ANO3: variants seen among roughly 807,000 people sequenced by gnomAD.
ANO3 encodes the protein anoctamin 3.
ANO3 carries 99 observed loss-of-function variants against 144.8 expected under a neutral mutation model. The ratio of observed to expected loss-of-function variants is 0.68; its 90% confidence interval spans 0.58 to 0.81. The LOEUF (loss-of-function observed/expected upper bound fraction) is 0.81. Ranked by LOEUF, ANO3 falls within the 30% of genes least tolerant of loss-of-function variation. The probability of loss-of-function intolerance (pLI) is 0.00; values close to 1 mark genes in which losing one functional copy is unlikely to be tolerated. For missense variants in ANO3, 905 were observed against 1,202.2 expected (o/e 0.75, Z 3.66); for synonymous variants, 414 against 392.6 (o/e 1.05, Z -0.64).
Position 26,635,016 on chromosome 11 carries a change from C to T in ANO3, c.1989C>T (p.Phe663=), listed in dbSNP as rs7946841. 641,106 of 1,610,024 alleles carry T rather than the reference C, an allele frequency of 0.4. 130,751 individuals carry two copies. The highest frequency in any genetic ancestry group is 0.48 in the South Asian group (43,343 of 90,856). Reference sequence around the variant, plus strand: ...GAACTAAAATGTCTTCTTACAGATTCGTAGGCCACCCAGGAAAATACAATA... The same window carrying T: ...GAACTAAAATGTCTTCTTACAGATTTGTAGGCCACCCAGGAAAATACAATA... ...IFYIAFFLGR[F]VGHPGKYNKL... Residue 663 remains phenylalanine (F), a synonymous_variant, in exon 20 of 27, where the codon TTC becomes TTT. Coordinates refer to ENST00000256737, the MANE Select transcript of ANO3 (RefSeq NM_031418.4).
intron 1 of ANO3, among the ~76,000 whole-genome samples, chr11:26,435,173 CTTCT>C (rs1239229909): frequency 6.6e-6 from 1 of 152,052 alleles, no homozygotes; most frequent in African/African-American, 2.4e-5. Context: ...ATGTAATGCA[CTTCT>C]TTGTCTTTTT....
intron 15 of ANO3, 107 bp from the exon 16 acceptor site, chr11:26,598,751 A>G (rs1399331445): frequency 9.2e-7 from 1 of 1,082,658 alleles, no homozygotes; most frequent in African/African-American, 1.6e-5. Flanking sequence ...TATTGTGAAG[A>G]CTTAATACAA....
chr11:26,451,502 T>A (rs1858937292), intron 3 of ANO3, among the ~76,000 whole-genome samples: 1 of 152,030 alleles, frequency 6.6e-6, no homozygotes, highest in Non-Finnish European at 1.5e-5. Flanking sequence ...CAGTCTGAGA[T>A]CAAACTGCAA....
chr11:26,514,783 C>T (rs2134149342), intron 5 of ANO3, among the ~76,000 whole-genome samples: 1 of 152,200 alleles, frequency 6.6e-6, no homozygotes, highest in Admixed American at 6.5e-5. Context: ...ACGTCTTTCA[C>T]TTGCCCTGGA....
intron 1 of ANO3, among the ~76,000 whole-genome samples, chr11:26,420,845 G>T (rs1392391685): frequency 6.6e-6 from 1 of 151,952 alleles, no homozygotes; most frequent in Non-Finnish European, 1.5e-5. Context: ...ATTCTACCAG[G>T]ACTCTCTTAC....
rs769915748 is a variant in ANO3 at position 26,565,448 on chromosome 11, A to T, written c.1447+5669A>T. The T allele has an allele frequency of 1.9e-6, 3 of 1,613,340 alleles. No individual in the cohort carries two copies. In the South Asian group the frequency reaches 3.3e-5, roughly 18 times the overall value. Reference sequence around the variant, plus strand: ...AAGACAGAGCAGGTGTAGCATTGGGATGTGCTGAGATGGGCAAAAGATCTT... The same window carrying T: ...AAGACAGAGCAGGTGTAGCATTGGGTTGTGCTGAGATGGGCAAAAGATCTT... On this transcript the variant is annotated intron_variant, in intron 14 of 26. Coordinates refer to ENST00000256737, the MANE Select transcript of ANO3 (RefSeq NM_031418.4).
intron 1 of ANO3, among the ~76,000 whole-genome samples, chr11:26,352,706 T>G (rs1453718068): frequency 6.6e-6 from 1 of 152,358 alleles, no homozygotes; most frequent in South Asian, 2.1e-4. Flanking sequence ...CTCTTTGCTT[T>G]CTTTGTTTGC....
chr11:26,465,267 C>T (rs796318498), intron 4 of ANO3, among the ~76,000 whole-genome samples: 32 of 111,984 alleles, frequency 2.9e-4, no homozygotes, highest in African/African-American at 9.6e-4. Context: ...TTCAAATGAA[C>T]CTATTTAGAT....
intron 1 of ANO3, among the ~76,000 whole-genome samples, chr11:26,423,309 C>T (rs1196255480): frequency 5.9e-5 from 8 of 135,178 alleles, no homozygotes; most frequent in Non-Finnish European, 9.5e-5. Flanking sequence ...TACCTTTATA[C>T]TTTTTTTTTT....
intron 1 of ANO3, among the ~76,000 whole-genome samples, chr11:26,246,741 G>A (rs912290809): frequency 3.9e-5 from 6 of 151,996 alleles, no homozygotes; most frequent in Non-Finnish European, 2.9e-5. Context: ...TGAGTCATGG[G>A]GGTGGGTTTT....
intron 4 of ANO3, among the ~76,000 whole-genome samples, chr11:26,487,175 G>A (rs1374244578): frequency 6.6e-6 from 1 of 152,222 alleles, no homozygotes; most frequent in Non-Finnish European, 1.5e-5. Context: ...CACGTGTTGT[G>A]GGAGGGACCC....
intron 1 of ANO3, among the ~76,000 whole-genome samples, chr11:26,430,423 C>G (rs1456578024): frequency 6.6e-6 from 1 of 151,986 alleles, no homozygotes; most frequent in Non-Finnish European, 1.5e-5. Flanking sequence ...GAAAACATAA[C>G]TAAAATTGCA....
At chr11:26,281,888 C>T (rs1853686495) in intron 1 of ANO3, among the ~76,000 whole-genome samples, 1 of 152,016 alleles carries the variant, frequency 6.6e-6, no homozygotes, top group Non-Finnish European at 1.5e-5. Context: ...AATATTTTTG[C>T]CCCAACCCAG....
At chr11:26,574,018 C>T (rs1850923325) in intron 14 of ANO3, among the ~76,000 whole-genome samples, 1 of 152,152 alleles carries the variant, frequency 6.6e-6, no homozygotes, top group South Asian at 2.1e-4. Flanking sequence ...CCACTTTAGA[C>T]CTCCTTTCTC....
At chr11:26,421,869 C>T (rs1417903677) in intron 1 of ANO3, among the ~76,000 whole-genome samples, 1 of 152,042 alleles carries the variant, frequency 6.6e-6, no homozygotes, top group African/African-American at 2.4e-5. Context: ...ATCGCATGTT[C>T]TCACTTTTAT....
At chr11:26,278,945 A>T (rs1192789539) in intron 1 of ANO3, among the ~76,000 whole-genome samples, 1 of 152,128 alleles carries the variant, frequency 6.6e-6, no homozygotes, top group African/African-American at 2.4e-5. Flanking sequence ...TGCTATGTAG[A>T]CATCTTTACC....
rs138780111 is a variant in ANO3, at chr11:26,510,262, A to G, written c.591+2000A>G. 2.7e-3 allele frequency among the ~76,000 whole-genome samples: 405 copies of G among 152,286 alleles called. 1 individual carries two copies. Among genetic ancestry groups the G allele is most frequent in the African/African-American group, 9.2e-3 (383 of 41,546 alleles). ...CTTTACAAGGAATTACTCACACACA[A>G]CTTAGAGTTACAGAGCCCAGCAAGT... is the stretch of plus-strand genomic sequence containing the variant. On this transcript the variant is annotated intron_variant, in intron 5 of 26. Coordinates refer to ENST00000256737, the MANE Select transcript of ANO3 (RefSeq NM_031418.4).
At chr11:26,396,039 A>G (rs1005563489) in intron 1 of ANO3, among the ~76,000 whole-genome samples, 1 of 152,162 alleles carries the variant, frequency 6.6e-6, no homozygotes, top group African/African-American at 2.4e-5. Context: ...TTTGCAATCT[A>G]TCCATCTGAT....
At chr11:26,416,527 A>G (rs1857591761) in intron 1 of ANO3, among the ~76,000 whole-genome samples, 1 of 151,814 alleles carries the variant, frequency 6.6e-6, no homozygotes, top group African/African-American at 2.4e-5. Flanking sequence ...CCCAGGTTCA[A>G]ACGATTCCCC....
Sources: gnomAD v4.1 joint callset for allele counts (sites outside exome capture counted in the v4.1 genomes callset) on GRCh38, gnomAD v4.1.1 for gene constraint, MANE v1.5 for transcripts, NCBI Gene and HGNC (gene_info 2026-07-23, HGNC 2026-07-21) for gene names.